Variants in TNIK observed in about 807,000 individuals in gnomAD.
TNIK encodes TRAF2 and NCK-interacting protein kinase.
In TNIK, 49 loss-of-function variants were observed where a neutral mutation model predicts 191.3. The ratio of observed to expected loss-of-function variants is 0.26; its 90% CI spans 0.20 to 0.32. TNIK has a LOEUF of 0.32. Ranked by LOEUF, TNIK falls within the 10% of genes least tolerant of loss-of-function variation. TNIK has a pLI of 1.00. For missense variants in TNIK, 1,155 were observed against 1,702.3 expected, an observed-to-expected ratio of 0.68 and a Z score of 5.66; for synonymous variants, 594 against 600.9, an observed-to-expected ratio of 0.99 and a Z score of 0.17.
At chr3:171,138,700 A>G (rs1168160485) in intron 14 of TNIK, among the ~76,000 whole-genome samples, 1 of 152,174 alleles carries the variant, frequency 6.6e-6, no homozygotes, top group African/African-American at 2.4e-5. Flanking sequence ...GGACATTTAA[A>G]TGGTCGGCAT....
At chr3:171,132,487 G>T (rs1729445786) in intron 15 of TNIK, among the ~76,000 whole-genome samples, 1 of 152,066 alleles carries the variant, frequency 6.6e-6, no homozygotes, top group African/African-American at 2.4e-5. Flanking sequence ...AATGTCTATG[G>T]CCTCTGCTAT....
At chr3:171,390,169 G>A (rs1472188281) in intron 1 of TNIK, among the ~76,000 whole-genome samples, 1 of 152,154 alleles carries the variant, frequency 6.6e-6, no homozygotes, top group East Asian at 1.9e-4. Context: ...TACCAAAGGG[G>A]AGCAAAGCCT....
chr3:171,225,460 A>G (rs1577174772), intron 3 of TNIK: 1 of 407,216 alleles, frequency 2.5e-6, no homozygotes, highest in African/African-American at 2.1e-5. Flanking sequence ...CCCCAAGAGA[A>G]TTAAGCCTAA....
intron 12 of TNIK, among the ~76,000 whole-genome samples, chr3:171,147,365 T>C (rs1731770801): frequency 6.6e-6 from 1 of 152,200 alleles, no homozygotes; most frequent in Non-Finnish European, 1.5e-5. Context: ...ATAGGACCAT[T>C]CTGTATAAGC....
intron 2 of TNIK, among the ~76,000 whole-genome samples, chr3:171,256,456 AG>A (rs1270142090): frequency 2.0e-5 from 3 of 152,206 alleles, no homozygotes; most frequent in Admixed American, 6.5e-5. Context: ...TAACCAAACG[AG>A]ATGCCTGGGG....
At chr3:171,279,004 G>A (rs1329449357) in intron 2 of TNIK, among the ~76,000 whole-genome samples, 1 of 152,164 alleles carries the variant, frequency 6.6e-6, no homozygotes, top group Non-Finnish European at 1.5e-5. Context: ...GCAGGCTGAT[G>A]AGGAAGCATT....
intron 2 of TNIK, among the ~76,000 whole-genome samples, chr3:171,350,381 A>G (rs1396070204): frequency 6.7e-6 from 1 of 150,022 alleles, no homozygotes; most frequent in Non-Finnish European, 1.5e-5. Flanking sequence ...GTGTTTCTAG[A>G]GCTCTTTACA....
intron 2 of TNIK, among the ~76,000 whole-genome samples, chr3:171,249,670 C>T (rs2109076529): frequency 6.6e-6 from 1 of 152,288 alleles, no homozygotes; most frequent in Non-Finnish European, 1.5e-5. Context: ...AAATTTGCTG[C>T]CTATGATATT....
chr3:171,198,177 G>A (rs1407359318), intron 4 of TNIK, among the ~76,000 whole-genome samples: 1 of 151,922 alleles, frequency 6.6e-6, no homozygotes, highest in Non-Finnish European at 1.5e-5. Context: ...GCAGGAGAAT[G>A]GCTTGAACCC....
chr3:171,390,654 G>A (rs1450309554), intron 1 of TNIK, among the ~76,000 whole-genome samples: 2 of 152,244 alleles, frequency 1.3e-5, no homozygotes, highest in Admixed American at 6.5e-5. Flanking sequence ...GATGCTGGGT[G>A]ATGTTGGTGA....
chr3:171,270,837 A>G lies in TNIK; in HGVS notation c.124-42616T>C, dbSNP rs1749004960. 2.0e-5 allele frequency among the ~76,000 whole-genome samples: 3 copies of G among 152,226 alleles called. No homozygotes were observed. In the South Asian group the frequency reaches 6.2e-4, roughly 32 times the overall value. ...TGGGGATAATAAAGGTTCCTGCTTC[A>G]TAGAGGTTAAATGAGTTAACAGATG... is the stretch of plus-strand genomic sequence containing the variant. On this transcript the variant is annotated intron_variant, in intron 2 of 32. Coordinates refer to ENST00000436636, the MANE Select transcript of TNIK (RefSeq NM_015028.4).
chr3:171,307,791 G>A (rs989711193), intron 2 of TNIK, among the ~76,000 whole-genome samples: 5 of 152,098 alleles, frequency 3.3e-5, no homozygotes, highest in East Asian at 1.9e-4. Context: ...CCTTTCAGGG[G>A]TCCATGAGGT....
chr3:171,066,383 A>G, intron 31 of TNIK, 57 bp from the exon 32 acceptor site: 1 of 1,603,514 alleles, frequency 6.2e-7, no homozygotes, highest in Non-Finnish European at 8.5e-7. Context: ...AATAACTCAC[A>G]GCATCTGTTC....
rs113947805 is a variant in TNIK, at chr3:171,220,042, C to A, written c.180+8123G>T. Among the ~76,000 whole-genome samples, 789 of 152,272 alleles carry A rather than the reference C, an allele frequency of 5.2e-3. 6 individuals carry two copies. The highest frequency in any genetic ancestry group is 0.012 in the Admixed American group (189 of 15,286). On this transcript the variant is annotated intron_variant, in intron 3 of 32. Coordinates refer to ENST00000436636, the MANE Select transcript of TNIK (RefSeq NM_015028.4). ...ATAAAGAAAATGTGGCACATATACACCATGGAATGCTACACAGCCATAAGA... is the reference window on the plus strand; with the variant it reads ...ATAAAGAAAATGTGGCACATATACAACATGGAATGCTACACAGCCATAAGA...
chr3:171,087,389 G>A lies in TNIK; in HGVS notation c.2839C>T (p.Leu947=). ...TGGGAATGGGTTGAGACGCGCCCCA[G>A]TCCCTCAGTCGGGGTTCCAGCTGGA... ...HSPAGTPTEG[L]GRVSTHSQEM... The change falls in exon 24 of 33, where the codon CTG becomes TTG. Residue 947 remains leucine, a synonymous_variant. Transcript: ENST00000436636. 6.2e-7 allele frequency: 1 copy of A among 1,613,956 alleles called. No individual in the cohort carries two copies.
chr3:171,258,934 C>G (rs1188997349), intron 2 of TNIK, among the ~76,000 whole-genome samples: 4 of 152,136 alleles, frequency 2.6e-5, no homozygotes, highest in African/African-American at 9.7e-5. Context: ...AATAATCAGA[C>G]ACATGTGCGC....
At chr3:171,255,856 T>C (rs1746791002) in intron 2 of TNIK, among the ~76,000 whole-genome samples, 1 of 152,196 alleles carries the variant, frequency 6.6e-6, no homozygotes, top group Non-Finnish European at 1.5e-5. Context: ...GTTTCTCTAC[T>C]TTCTAGGCCC....
chr3:171,288,334 AAG>A (rs1365047282), intron 2 of TNIK, among the ~76,000 whole-genome samples: 2 of 145,920 alleles, frequency 1.4e-5, no homozygotes, highest in Non-Finnish European at 1.5e-5. Context: ...AAAAAAAAAA[AAG>A]AAAATATTTG....
At chr3:171,285,940 T>C (rs13094490) in intron 2 of TNIK, among the ~76,000 whole-genome samples, 3,890 of 152,180 alleles carry the variant, frequency 0.026, 60 homozygotes, top group Middle Eastern at 0.037. Context: ...TTGGCTATTC[T>C]GGAATTTGAT....
Sources: allele counts gnomAD v4.1 joint callset (sites outside exome capture counted in the v4.1 genomes callset), GRCh38; gene constraint gnomAD v4.1.1; transcripts MANE v1.5; gene names NCBI Gene and HGNC (gene_info 2026-07-23, HGNC 2026-07-21).